The following PKP2 variants were observed in gnomAD, a reference collection of about 807,000 sequenced individuals.
PKP2 encodes plakophilin 2, also known as plakophilin-2.
PKP2 carries 73 observed loss-of-function variants against 83.4 expected under a neutral mutation model. The observed-to-expected ratio is 0.88, with a 90% CI of 0.72 to 1.06. The LOEUF (loss-of-function observed/expected upper bound fraction) is 1.06. PKP2 is among the 50% of genes least tolerant of loss of function. The pLI is 0.00. For missense variants in PKP2, 966 were observed against 1,065.4 expected, an observed-to-expected ratio of 0.91 and a Z score of 1.30; for synonymous variants, 409 against 430.4, an observed-to-expected ratio of 0.95 and a Z score of 0.62.
At chr12:32,880,919 C>T (rs1218925888) in intron 1 of PKP2, among the ~76,000 whole-genome samples, 1 of 152,052 alleles carries the variant, frequency 6.6e-6, no homozygotes, top group Non-Finnish European at 1.5e-5. Flanking sequence ...TTTTAGAAAT[C>T]AGAGGGAAAA....
chr12:32,833,069 C>T (rs777483827), intron 6 of PKP2, among the ~76,000 whole-genome samples: 1 of 152,092 alleles, frequency 6.6e-6, no homozygotes, highest in East Asian at 1.9e-4. Flanking sequence ...ATGGTGAAAC[C>T]CCGTCTCTAC....
intron 5 of PKP2, among the ~76,000 whole-genome samples, chr12:32,848,890 T>A (rs1956671439): frequency 1.3e-5 from 2 of 151,982 alleles, no homozygotes; most frequent in Admixed American, 6.6e-5. Context: ...AAACCTATTA[T>A]ATAACTAAAT....
At chr12:32,796,553 T>A (rs1956126968) in intron 10 of PKP2, among the ~76,000 whole-genome samples, 1 of 151,912 alleles carries the variant, frequency 6.6e-6, no homozygotes, top group Non-Finnish European at 1.5e-5. Context: ...TGGCTAATTT[T>A]TTTATTTTTT....
At chr12:32,859,461 T>TGTG (rs888533609) in intron 4 of PKP2, among the ~76,000 whole-genome samples, 1 of 151,428 alleles carries the variant, frequency 6.6e-6, no homozygotes, top group Non-Finnish European at 1.5e-5. Context: ...ACTTTTTTTT[T>TGTG]TGTGTGTGTG....
At chr12:32,874,792 G>A (rs1019442728) in intron 3 of PKP2, among the ~76,000 whole-genome samples, 1 of 151,994 alleles carries the variant, frequency 6.6e-6, no homozygotes, top group Admixed American at 6.6e-5. Context: ...CCAGGCTGGG[G>A]TACAGTGGCA....
At chr12:32,794,926 A>G (rs7299736) in intron 11 of PKP2, among the ~76,000 whole-genome samples, 7,475 of 152,242 alleles carry the variant, frequency 0.049, 593 homozygotes, top group African/African-American at 0.17. Flanking sequence ...AGTAGAGGTA[A>G]CATGTACATC....
At chr12:32,867,603 A>G (rs550226636) in intron 4 of PKP2, among the ~76,000 whole-genome samples, 3 of 152,348 alleles carry the variant, frequency 2.0e-5, no homozygotes, top group Admixed American at 6.5e-5. Flanking sequence ...TAAGATTAAT[A>G]CATATTGAAG....
At chr12:32,848,499 A>G (rs1191468975) in intron 5 of PKP2, among the ~76,000 whole-genome samples, 1 of 152,222 alleles carries the variant, frequency 6.6e-6, no homozygotes, top group East Asian at 1.9e-4. Context: ...ATCAGAATTT[A>G]AAATGTGATA....
intron 6 of PKP2, among the ~76,000 whole-genome samples, chr12:32,840,038 C>T (rs1306891346): frequency 6.6e-6 from 1 of 152,198 alleles, no homozygotes; most frequent in Non-Finnish European, 1.5e-5. Context: ...TTCACTTGCA[C>T]CTTTGACATC....
intron 5 of PKP2, among the ~76,000 whole-genome samples, chr12:32,848,768 C>A (rs1317070191): frequency 6.6e-6 from 1 of 152,050 alleles, no homozygotes; most frequent in Non-Finnish European, 1.5e-5. Flanking sequence ...ATGTGACACA[C>A]TTGAACACGT....
chr12:32,817,588 A>C (rs1956331793), intron 9 of PKP2, among the ~76,000 whole-genome samples: 1 of 152,160 alleles, frequency 6.6e-6, no homozygotes, highest in Non-Finnish European at 1.5e-5. Flanking sequence ...ATGTCTTTTG[A>C]TAGCATAAGT....
chr12:32,858,640 G>A (rs1956775486), intron 4 of PKP2, among the ~76,000 whole-genome samples: 1 of 151,304 alleles, frequency 6.6e-6, no homozygotes, highest in Non-Finnish European at 1.5e-5. Context: ...AATCCTGCAT[G>A]ATGAAAGATA....
intron 7 of PKP2, among the ~76,000 whole-genome samples, chr12:32,823,230 A>G (rs536667723): frequency 7.9e-5 from 12 of 152,232 alleles, no homozygotes; most frequent in African/African-American, 2.9e-4. Flanking sequence ...GCTGGCCAAC[A>G]TGGCAAAACC....
intron 6 of PKP2, among the ~76,000 whole-genome samples, chr12:32,829,834 T>G (rs746681976): frequency 3.3e-5 from 5 of 152,100 alleles, no homozygotes; most frequent in Non-Finnish European, 7.3e-5. Context: ...CTAATTTTTG[T>G]ATTTTTAGTA....
chr12:32,811,160 T>C (rs753350508), intron 9 of PKP2, among the ~76,000 whole-genome samples: 2 of 152,226 alleles, frequency 1.3e-5, no homozygotes, highest in Non-Finnish European at 2.9e-5. Context: ...CCAGGTCTTT[T>C]TGTTAGCATA....
chr12:32,805,511 T>C (rs925237045), intron 9 of PKP2, among the ~76,000 whole-genome samples: 8 of 152,222 alleles, frequency 5.3e-5, no homozygotes, highest in Admixed American at 4.6e-4. Context: ...CAGTTTCAAT[T>C]TTCTGCATAT....
At chr12:32,811,682 T>C (rs1250009102) in intron 9 of PKP2, among the ~76,000 whole-genome samples, 2 of 152,238 alleles carry the variant, frequency 1.3e-5, no homozygotes, top group Non-Finnish European at 2.9e-5. Flanking sequence ...TTATGCAGTT[T>C]TCTAATCTTC....
intron 1 of PKP2, among the ~76,000 whole-genome samples, chr12:32,885,743 T>C (rs2137975589): frequency 6.6e-6 from 1 of 152,302 alleles, no homozygotes; most frequent in East Asian, 1.9e-4. Context: ...TTAGATTGAA[T>C]GTATTTATGA....
rs748566573 is a variant in PKP2, at chr12:32,878,305, G to A, written c.575C>T (p.Pro192Leu). The change falls in exon 3 of 13, where the codon CCG becomes CTG. Residue 192 changes from proline (P) to leucine (L), a missense_variant. Coordinates refer to ENST00000340811, the MANE Select transcript of PKP2 (RefSeq NM_001005242.3). Reference sequence around the variant, plus strand: ...CACGATCTCGGAACGAGCATATCTCGGTGGCACTAGGAGGGCGGCCCGCCT... The same window carrying A: ...CACGATCTCGGAACGAGCATATCTCAGTGGCACTAGGAGGGCGGCCCGCCT... The part of the protein sequence containing the change: ...ESRRAALLVP[P>L]RYARSEIVGV... The A allele has an allele frequency of 4.3e-6, 7 of 1,613,128 alleles. No homozygotes were observed. In the Admixed American group the frequency reaches 5.0e-5, roughly 12 times the overall value.
Sources: allele counts gnomAD v4.1 joint callset (sites outside exome capture counted in the v4.1 genomes callset), GRCh38; gene constraint gnomAD v4.1.1; transcripts MANE v1.5; gene names NCBI Gene and HGNC (gene_info 2026-07-23, HGNC 2026-07-21).